Variants in ESR1 observed in about 807,000 individuals in gnomAD.
ESR1 encodes the protein estrogen receptor.
A neutral mutation model predicts 52.7 loss-of-function variants in ESR1; 12 were observed. The observed-to-expected ratio is 0.23, with a 90% CI of 0.15 to 0.37. The LOEUF is 0.37. Among genes scored for constraint, ESR1 ranks in the 10% least tolerant of loss-of-function variants. The pLI, the probability that ESR1 is intolerant of heterozygous loss-of-function variation, is 1.00. For synonymous variants in ESR1, 305 were observed against 316.8 expected (o/e 0.96, Z 0.39); for missense variants, 584 against 779.7 (o/e 0.75, Z 2.99).
chr6:152,050,763 C>T lies in ESR1; in HGVS notation c.1236-10228C>T, dbSNP rs200059783. On this transcript the variant is annotated intron_variant, in intron 5 of 7. Transcript: ENST00000206249. ...TCAGATCATTGCATTTGTTCAGAAT[C>T]GTCTGCAGAGGAAAACATCTCAAAG... Among the ~76,000 whole-genome samples, 23 of 152,250 alleles carry T rather than the reference C, an allele frequency of 1.5e-4. 1 individual carries two copies. In the East Asian group the frequency reaches 4.1e-3, roughly 27 times the overall value.
At position 151,769,551 on chromosome 6, in the gene ESR1, G is replaced by T. The variant is rs184576484; in HGVS notation, c.-70-38292G>T. ...AGCATTTGTAATTGACAGAGTTGGT[G>T]ATTGACTGAATGGACACTGAATATC... On this transcript the variant is annotated intron_variant, in intron 2 of 2. Coordinates refer to the ESR1 transcript ENST00000404742. Among the ~76,000 whole-genome samples the T allele has an allele frequency of 7.5e-4, 115 of 152,326 alleles. 1 individual carries two copies. Among genetic ancestry groups the T allele is most frequent in the African/African-American group, 2.7e-3 (111 of 41,584 alleles).
chr6:151,709,685 G>C (rs1224165163), intron 2 of ESR1, among the ~76,000 whole-genome samples: 1 of 149,580 alleles, frequency 6.7e-6, no homozygotes, highest in East Asian at 1.9e-4. Context: ...TCTCTTTGTG[G>C]TTTTAATTTC....
chr6:152,111,895 C>T (rs2051140281), intron 6 of ESR1, among the ~76,000 whole-genome samples: 1 of 152,170 alleles, frequency 6.6e-6, no homozygotes, highest in Non-Finnish European at 1.5e-5. Context: ...CAGATGGTTC[C>T]CTAAGAACGG....
At chr6:151,970,087 C>A (rs549971535) in intron 4 of ESR1, among the ~76,000 whole-genome samples, 20 of 152,174 alleles carry the variant, frequency 1.3e-4, no homozygotes, top group Non-Finnish European at 2.4e-4. Context: ...CCTCTGCCCC[C>A]GGAAAGGCCC....
At chr6:151,828,457 G>A (rs539838588) in intron 1 of ESR1, among the ~76,000 whole-genome samples, 1 of 152,292 alleles carries the variant, frequency 6.6e-6, no homozygotes, top group South Asian at 2.1e-4. Flanking sequence ...GAAAGGGCTA[G>A]AAAAGGTTAT....
chr6:152,086,880 C>CG (rs1270858318), intron 6 of ESR1, among the ~76,000 whole-genome samples: 1 of 152,086 alleles, frequency 6.6e-6, no homozygotes, highest in African/African-American at 2.4e-5. Context: ...GATTGGGTTA[C>CG]GAGCAGGCTC....
chr6:151,897,673 T>C (rs1287826491), intron 3 of ESR1, among the ~76,000 whole-genome samples: 1 of 152,226 alleles, frequency 6.6e-6, no homozygotes, highest in Non-Finnish European at 1.5e-5. Context: ...ATTTAGGCTA[T>C]TTAAATTCAA....
chr6:151,767,137 G>A (rs562482208), intron 2 of ESR1, among the ~76,000 whole-genome samples: 8 of 152,082 alleles, frequency 5.3e-5, no homozygotes, highest in African/African-American at 1.7e-4. Flanking sequence ...CCAAAATGTA[G>A]CAATTGCCCC....
intron 4 of ESR1, among the ~76,000 whole-genome samples, chr6:151,950,606 C>T (rs1377241479): frequency 1.3e-5 from 2 of 152,122 alleles, no homozygotes; most frequent in Non-Finnish European, 2.9e-5. Flanking sequence ...TAGAAACAGA[C>T]ATGCACAGAA....
intron 2 of ESR1, among the ~76,000 whole-genome samples, chr6:151,751,890 T>C (rs1380962805): frequency 1.3e-5 from 2 of 152,192 alleles, no homozygotes; most frequent in Non-Finnish European, 1.5e-5. Context: ...CAAAACAACA[T>C]ATTCTAACAG....
chr6:152,084,179 A>T (rs1323727538), intron 6 of ESR1, among the ~76,000 whole-genome samples: 1 of 151,750 alleles, frequency 6.6e-6, no homozygotes, highest in Non-Finnish European at 1.5e-5. Context: ...AGGACATAAA[A>T]CCAAACACTG....
intron 4 of ESR1, among the ~76,000 whole-genome samples, chr6:151,961,919 G>A (rs186643064): frequency 7.8e-4 from 119 of 152,304 alleles, no homozygotes; most frequent in African/African-American, 2.8e-3. Flanking sequence ...GGCTGGCAGA[G>A]AGTTGAATCT....
rs148296466 is a variant in ESR1, at chr6:151,890,019, T to C, written c.760+9248T>C. Among the ~76,000 whole-genome samples the C allele has an allele frequency of 6.8e-3, 1,033 of 152,276 alleles. 8 individuals are homozygous for C. Among genetic ancestry groups the C allele is most frequent in the Non-Finnish European group, 8.4e-3 (569 of 68,016 alleles). ...TTATGGTTGGAAAAAATACTTGATATGGTGTCAATGTTCTTAAATTTATTA... is the reference window on the plus strand; with the variant it reads ...TTATGGTTGGAAAAAATACTTGATACGGTGTCAATGTTCTTAAATTTATTA... On this transcript the variant is annotated intron_variant, in intron 3 of 7. Coordinates refer to ENST00000206249, the MANE Select transcript of ESR1 (RefSeq NM_000125.4).
downstream of ESR1, among the ~76,000 whole-genome samples, chr6:152,104,915 G>A (rs1055426080): frequency 5.3e-5 from 8 of 152,078 alleles, no homozygotes; most frequent in African/African-American, 1.9e-4. Flanking sequence ...AGGGGCTGAT[G>A]GTTGAATAGA....
At chr6:151,846,990 C>T (rs1416252304) in intron 2 of ESR1, among the ~76,000 whole-genome samples, 3 of 152,094 alleles carry the variant, frequency 2.0e-5, no homozygotes, top group Non-Finnish European at 4.4e-5. Context: ...GGTTGTGTGG[C>T]GTAGAGGGGG....
At chr6:151,967,827 A>C (rs2038445634) in intron 4 of ESR1, among the ~76,000 whole-genome samples, 1 of 152,158 alleles carries the variant, frequency 6.6e-6, no homozygotes, top group African/African-American at 2.4e-5. Flanking sequence ...CTATTTCTCC[A>C]CATCCTCTCC....
intron 3 of ESR1, among the ~76,000 whole-genome samples, chr6:151,927,147 T>A (rs183080093): frequency 6.6e-6 from 1 of 152,314 alleles, no homozygotes; most frequent in Admixed American, 6.5e-5. Context: ...CAGATTATAT[T>A]GATTTATTTT....
chr6:152,011,912 T>C, intron 5 of ESR1, 118 bp downstream of exon 5: 2 of 1,156,974 alleles, frequency 1.7e-6, no homozygotes, highest in Non-Finnish European at 2.5e-6. Flanking sequence ...GTATGTTTAC[T>C]TAACAAAAGA....
chr6:152,018,237 A>C (rs568239874), intron 5 of ESR1, among the ~76,000 whole-genome samples: 1 of 152,152 alleles, frequency 6.6e-6, no homozygotes, highest in Non-Finnish European at 1.5e-5. Context: ...ATAGAAAAAA[A>C]AAAGTCATTC....
Sources: gnomAD v4.1 joint callset for allele counts (sites outside exome capture counted in the v4.1 genomes callset) on GRCh38, gnomAD v4.1.1 for gene constraint, MANE v1.5 for transcripts, NCBI Gene and HGNC (gene_info 2026-07-23, HGNC 2026-07-21) for gene names.